Variants in C7orf57 observed in about 807,000 individuals in gnomAD.
C7orf57 encodes chromosome 7 open reading frame 57.
Under a neutral mutation model 39.0 loss-of-function variants are expected in C7orf57, and 33 were observed. The observed-to-expected ratio is 0.85, with a 90% CI of 0.64 to 1.13. The LOEUF (loss-of-function observed/expected upper bound fraction) is 1.13. Among genes scored for constraint, C7orf57 ranks in the 50% most tolerant of loss-of-function variants. C7orf57 has a pLI of 0.00. For synonymous variants in C7orf57, 124 were observed against 137.1 expected (o/e 0.90, Z 0.67); for missense variants, 346 against 362.3 (o/e 0.95, Z 0.37).
chr7:48,057,880 A>G (rs1310580292), intron 8 of C7orf57, among the ~76,000 whole-genome samples: 1 of 152,108 alleles, frequency 6.6e-6, no homozygotes, highest in Admixed American at 6.6e-5. Context: ...AGGTGATCAT[A>G]TGGTTTTTGT....
chr7:48,061,188 C>T lies in C7orf57; in HGVS notation c.*916C>T, dbSNP rs1475807979. On this transcript the variant is annotated 3_prime_UTR_variant, in exon 9 of 9. Transcript: ENST00000348904. ...TCTCTATATGAGATACTTAATCGAG[C>T]ATATATATTTATATTCATTGATCAA... 1 of 152,080 alleles carries T rather than the reference C, an allele frequency of 6.6e-6. No homozygotes were observed. Among genetic ancestry groups the T allele is most frequent in the East Asian group, 1.9e-4 (1 of 5,196 alleles). 9.4% of individuals were successfully genotyped at this position (152,080 alleles called of 1,614,324 possible).
rs533601437 is a variant in C7orf57 at position 48,035,866 on chromosome 7, C to T, written c.-102+236C>T. Among the ~76,000 whole-genome samples, 27 of 152,276 alleles carry T rather than the reference C, an allele frequency of 1.8e-4. No homozygotes were observed. In the South Asian group the frequency reaches 2.3e-3, roughly 13 times the overall value. On this transcript the variant is annotated intron_variant, in intron 1 of 8. Coordinates refer to ENST00000348904, the MANE Select transcript of C7orf57 (RefSeq NM_001100159.3). The surrounding 1 kb of genome is among the most constrained non-coding windows in gnomAD (Gnocchi z 4.0). ...TTGCTGTGTCCCTGGCGTGGACGTG[C>T]CTGTACTGGATACCCGGCGTGACGT...
chr7:48,057,394 T>C (rs1423395802), intron 8 of C7orf57, among the ~76,000 whole-genome samples: 3 of 152,128 alleles, frequency 2.0e-5, no homozygotes, highest in African/African-American at 7.2e-5. Context: ...GAGAGTGGGA[T>C]TGTTTCCTTA....
chr7:48,054,555 G>A, intron 7 of C7orf57, 40 bp from the exon 8 acceptor site: 1 of 1,508,790 alleles, frequency 6.6e-7, no homozygotes, highest in East Asian at 2.5e-5. Context: ...TACTTGATCT[G>A]TTTCATTAAC....
chr7:48,043,425 T>C, intron 3 of C7orf57, 56 bp from the exon 4 acceptor site: 1 of 1,323,542 alleles, frequency 7.6e-7, no homozygotes, highest in Non-Finnish European at 1.1e-6. Context: ...GGCAATGCTG[T>C]GCGTCTGTGT....
At chr7:48,060,151 A>G (rs1289887664) in intron 8 of C7orf57, 75 bp from the exon 9 acceptor site, 1 of 978,720 alleles carries the variant, frequency 1.0e-6, no homozygotes, top group Admixed American at 2.4e-5. Flanking sequence ...GTGTTTTCTT[A>G]TATTTAAAAT....
rs1201799647 is a variant in C7orf57 at position 48,052,756 on chromosome 7, A to G, written c.662A>G (p.Tyr221Cys). ...TNFSKLISNG[Y>C]KDEWLQQQQR... ...TTTTCCAAACTCATTAGCAATGGTT[A>G]TAAGGATGAGTGGTTGCAGCAGCAG... The change falls in exon 7 of 9, where the codon TAT becomes TGT. Residue 221 changes from tyrosine (Y) to cysteine (C), a missense_variant. Coordinates refer to ENST00000348904, the MANE Select transcript of C7orf57 (RefSeq NM_001100159.3). 6.2e-7 allele frequency: 1 copy of G among 1,613,940 alleles called. No homozygotes were observed. Among genetic ancestry groups the G allele is most frequent in the East Asian group, 2.2e-5 (1 of 44,898 alleles).
At chr7:48,038,791 A>T (rs1227807381) in intron 2 of C7orf57, among the ~76,000 whole-genome samples, 1 of 152,222 alleles carries the variant, frequency 6.6e-6, no homozygotes, top group Non-Finnish European at 1.5e-5. Flanking sequence ...TTATAGGAAG[A>T]CATCAATCAA....
rs956395892 is a variant in C7orf57 at position 48,041,196 on chromosome 7, T to C, written c.56-138T>C. On this transcript the variant is annotated intron_variant, in intron 2 of 8. Transcript: ENST00000348904. The stretch of plus-strand genomic sequence containing the variant: ...ACGTCAGTAACCCAAAAGAGGGCAT[T>C]TTCTTCCTTGCTAATGGGCTCTGTG... The C allele has an allele frequency of 5.9e-6, 4 of 681,180 alleles. No homozygotes were observed. The African/African-American group carries it at 7.4e-5, about 13-fold the overall frequency. The allele number at this position is 681,180 out of a possible 1,614,324, so 42.2% of individuals were successfully genotyped here. A position where few individuals can be genotyped will look rare whatever the true frequency, so the allele number is the denominator to read the frequency against.
intron 5 of C7orf57, 101 bp downstream of exon 5, chr7:48,046,717 T>G: frequency 7.5e-7 from 1 of 1,325,630 alleles, no homozygotes; most frequent in Admixed American, 2.5e-5. Context: ...CGTCTTATGT[T>G]GCTCGTGGCA....
rs1242212675 is a variant in C7orf57 at position 48,035,586 on chromosome 7, C to A, written c.-146C>A. The A allele has an allele frequency of 2.9e-6, 2 of 695,800 alleles. No individual in the cohort carries two copies. The highest frequency in any genetic ancestry group is 2.6e-6 in the Non-Finnish European group (1 of 382,072). 43.1% of individuals were successfully genotyped at this position (695,800 alleles called of 1,614,324 possible). A position where few individuals can be genotyped will look rare whatever the true frequency, so the allele number is the denominator to read the frequency against. On this transcript the variant is annotated 5_prime_UTR_variant, in exon 1 of 9. Transcript: ENST00000348904. This position sits in a 1 kb window ranked among gnomAD's most constrained non-coding sequence, Gnocchi z 4.0. ...CCAGCCAGCCGTGTAAAAACTCCAACGCCGGGCGCCGCGGGCAGCACCCAC... is the reference window on the plus strand; with the variant it reads ...CCAGCCAGCCGTGTAAAAACTCCAAAGCCGGGCGCCGCGGGCAGCACCCAC...
intron 8 of C7orf57, among the ~76,000 whole-genome samples, chr7:48,055,849 T>C (rs188541598): frequency 4.0e-4 from 61 of 152,304 alleles, no homozygotes; most frequent in African/African-American, 1.3e-3. Flanking sequence ...ACCACATTTT[T>C]TTTCCTTATT....
intron 5 of C7orf57, among the ~76,000 whole-genome samples, chr7:48,048,625 T>C (rs1411266282): frequency 6.6e-6 from 1 of 152,162 alleles, no homozygotes; most frequent in East Asian, 1.9e-4. Flanking sequence ...AACCCACCTT[T>C]TATAGAGAAC....
intron 2 of C7orf57, among the ~76,000 whole-genome samples, chr7:48,037,603 A>T (rs1304270684): frequency 2.0e-5 from 3 of 152,144 alleles, no homozygotes; most frequent in African/African-American, 4.8e-5. Context: ...ATTAAATAAG[A>T]GTACTAATAT....
In C7orf57 at chr7:48,051,750, T is replaced by TTTTCTTTCTTTC. The variant is rs368758672; in HGVS notation, c.606-913_606-902dup. Among the ~76,000 whole-genome samples, 236 of 54,680 alleles carry TTTTCTTTCTTTC rather than the reference T, an allele frequency of 4.3e-3. 10 individuals carry two copies. The highest frequency in any genetic ancestry group is 0.012 in the East Asian group (24 of 2,074). The allele number at this position is 54,680 out of a possible 152,430, so 35.9% of individuals were successfully genotyped here. A position where few individuals can be genotyped will look rare whatever the true frequency, so the allele number is the denominator to read the frequency against. On this transcript the variant is annotated intron_variant, in intron 6 of 8. Coordinates refer to ENST00000348904, the MANE Select transcript of C7orf57 (RefSeq NM_001100159.3). ...TCTCTTTTTCTTTTCTTTCTTTTTC[T>TTTTCTTTCTTTC]TTTCTTTCTTTCTTTCTTTCTTTCT...
chr7:48,051,743 CTTTTTCTTT>C (rs748189615), intron 6 of C7orf57, among the ~76,000 whole-genome samples: 1 of 47,406 alleles, frequency 2.1e-5, no homozygotes, highest in African/African-American at 5.6e-5. Flanking sequence ...TCTTTTCTTT[CTTTTTCTTT>C]TCTTTCTTTC....
chr7:48,043,535 C>A lies in C7orf57; in HGVS notation c.296C>A (p.Ser99Tyr), dbSNP rs764116495. 27 of 1,613,884 alleles carry A rather than the reference C, an allele frequency of 1.7e-5. No individual in the cohort carries two copies. ...GTRKGSPVAY[S>Y]LPDWYIHHSK... ...AGGAAAGGCTCTCCAGTGGCCTACT[C>A]CCTGCCAGACTGGTATATCCACCAC... The change falls in exon 4 of 9, where the codon TCC becomes TAC. Residue 99 changes from serine to tyrosine, a missense_variant. Physicochemically the swap from Ser to Tyr is moderately radical, Grantham distance 144. Transcript: ENST00000348904.
Position 48,043,608 on chromosome 7 carries a change from T to G in C7orf57, c.350+19T>G. ...AGCAAGAGTAAGTACCTTAAAGCAC[T>G]CACATTTTTGTTTATCTTTACAGGA... On this transcript the variant is annotated intron_variant, in intron 4 of 8. Coordinates refer to ENST00000348904, the MANE Select transcript of C7orf57 (RefSeq NM_001100159.3). 4 of 1,592,180 alleles carry G rather than the reference T, an allele frequency of 2.5e-6. No individual in the cohort carries two copies. Among genetic ancestry groups the G allele is most frequent in the Non-Finnish European group, 3.4e-6 (4 of 1,162,494 alleles).
chr7:48,036,202 T>C lies in C7orf57; in HGVS notation c.-101-6T>C. On this transcript the variant is annotated splice_region_variant and splice_polypyrimidine_tract_variant and intron_variant, in intron 1 of 8. Transcript: ENST00000348904. ...CAGAGCGGGCGCGCGGATTTTGCTT[T>C]TGCAGCTGCAGCTCCTGGCAACTGG... 1 of 1,279,892 alleles carries C rather than the reference T, an allele frequency of 7.8e-7. No individual in the cohort carries two copies. The highest frequency in any genetic ancestry group is 1.1e-6 in the Non-Finnish European group (1 of 900,258). The allele number at this position is 1,279,892 out of a possible 1,614,324, so 79.3% of individuals were successfully genotyped here. A position where few individuals can be genotyped will look rare whatever the true frequency, so the allele number is the denominator to read the frequency against.
Sources: gnomAD v4.1 joint callset for allele counts (sites outside exome capture counted in the v4.1 genomes callset) on GRCh38, gnomAD v4.1.1 for gene constraint, Gnocchi (gnomAD v3.1) non-coding constraint, MANE v1.5 for transcripts, NCBI Gene and HGNC (gene_info 2026-07-23, HGNC 2026-07-21) for gene names.